CPLANE1: variants seen among roughly 807,000 people sequenced by gnomAD.
CPLANE1 encodes ciliogenesis and planar polarity effector complex subunit 1, also known as ciliogenesis and planar polarity effector 1.
Under a neutral mutation model 362.5 loss-of-function variants are expected in CPLANE1, and 263 were observed. The ratio of observed to expected loss-of-function variants is 0.73; its 90% CI spans 0.66 to 0.80. The LOEUF (loss-of-function observed/expected upper bound fraction) is 0.80, where lower values mean the gene tolerates loss of function less well. CPLANE1 is among the 30% of genes least tolerant of loss of function. The pLI is 0.00. For synonymous variants in CPLANE1, 1,212 were observed against 1,302.6 expected (o/e 0.93, Z 1.50); for missense variants, 3,461 against 3,793.4 (o/e 0.91, Z 2.30).
chr5:37,241,036 T>A (rs574816200), intron 6 of CPLANE1, among the ~76,000 whole-genome samples: 1 of 151,636 alleles, frequency 6.6e-6, no homozygotes, highest in Non-Finnish European at 1.5e-5. Context: ...CTCGGGAGGC[T>A]GAGGCAGAAG....
intron 21 of CPLANE1, among the ~76,000 whole-genome samples, chr5:37,193,040 G>A (rs1047962423): frequency 2.0e-5 from 3 of 152,004 alleles, no homozygotes; most frequent in Middle Eastern, 3.4e-3. Context: ...GGTGGCCCGC[G>A]CCTGTAATCC....
chr5:37,177,503 G>T, intron 30 of CPLANE1, 118 bp downstream of exon 30: 2 of 723,600 alleles, frequency 2.8e-6, no homozygotes, highest in Non-Finnish European at 4.8e-6. Context: ...TGAAGTTACA[G>T]TTTCACTAGA....
Position 37,245,800 on chromosome 5 carries a change from T to C in CPLANE1, c.127A>G (p.Ile43Val), listed in dbSNP as rs779643193. The C allele has an allele frequency of 6.5e-7, 1 of 1,530,250 alleles. No homozygotes were observed. The highest frequency in any genetic ancestry group is 1.3e-5 in the South Asian group (1 of 77,640). The allele number at this position is 1,530,250 out of a possible 1,614,324, so 94.8% of individuals were successfully genotyped here. Residue 43 changes from isoleucine (I) to valine (V), a missense_variant, in exon 3 of 53, where the codon ATT becomes GTT. Ile to Val is a conservative substitution (Grantham distance 29, BLOSUM62 3). This residue lies in a region of CPLANE1 where 3,380 missense variants were observed against 3,666.1 expected (regional missense o/e 0.92). Coordinates refer to ENST00000651892, the MANE Select transcript of CPLANE1 (RefSeq NM_001384732.1). Reference protein sequence around the residue: ...FLLDDKFINEINLLSGKIKKK... With the variant: ...FLLDDKFINEVNLLSGKIKKK... ...TTTATCTTTCCTGATAGCAAATTAATTTCATTTATGAATTTATCATCCAAA... is the reference window on the plus strand; with the variant it reads ...TTTATCTTTCCTGATAGCAAATTAACTTCATTTATGAATTTATCATCCAAA...
rs70976277 is a variant in CPLANE1, at chr5:37,116,485, CAAAAAAAAAAA to C, written c.9311-1447_9311-1437del. Among the ~76,000 whole-genome samples, 15 of 25,952 alleles carry C rather than the reference CAAAAAAAAAAA, an allele frequency of 5.8e-4. No individual in the cohort carries two copies. The East Asian group carries it at 8.4e-3, about 14-fold the overall frequency. The allele number at this position is 25,952 out of a possible 152,430, so 17.0% of individuals were successfully genotyped here. ...TGGGTGACAGAGCAAGACTCTGCCT[CAAAAAAAAAAA>C]AAAAAAAAAAAAAAAAAAAGGCTGA... On this transcript the variant is annotated intron_variant, in intron 50 of 52. Transcript: ENST00000651892.
intron 8 of CPLANE1, among the ~76,000 whole-genome samples, chr5:37,232,619 A>C (rs1580947871): frequency 6.6e-6 from 1 of 151,470 alleles, no homozygotes; most frequent in East Asian, 1.9e-4. Context: ...GGAGAATTGC[A>C]TAAGGTCAGG....
At chr5:37,156,726 C>T (rs1421023720) in intron 41 of CPLANE1, among the ~76,000 whole-genome samples, 1 of 151,984 alleles carries the variant, frequency 6.6e-6, no homozygotes, top group Non-Finnish European at 1.5e-5. Flanking sequence ...TTTATAAGTA[C>T]TATTGAATTG....
Position 37,168,784 on chromosome 5 carries a change from T to C in CPLANE1, c.7233+7A>G, listed in dbSNP as rs780724144. 2 of 1,606,874 alleles carry C rather than the reference T, an allele frequency of 1.2e-6. No individual in the cohort carries two copies. The highest frequency in any genetic ancestry group is 1.7e-6 in the Non-Finnish European group (2 of 1,175,812). The stretch of plus-strand genomic sequence containing the variant: ...TGCTTTTGCATTACCATACAAAAAT[T>C]CATTACCCTATTTTCTGGGGACAAA... On this transcript the variant is annotated splice_region_variant and intron_variant, in intron 34 of 52. Coordinates refer to ENST00000651892, the MANE Select transcript of CPLANE1 (RefSeq NM_001384732.1).
intron 46 of CPLANE1, among the ~76,000 whole-genome samples, chr5:37,132,377 C>T (rs1424235859): frequency 2.7e-5 from 3 of 112,822 alleles, no homozygotes; most frequent in Non-Finnish European, 4.9e-5. Context: ...CAGAGTCTTG[C>T]TCTGTCGCCC....
chr5:37,170,998 G>T (rs1197828000), intron 32 of CPLANE1, among the ~76,000 whole-genome samples: 1 of 152,178 alleles, frequency 6.6e-6, no homozygotes, highest in African/African-American at 2.4e-5. Context: ...GCAATGAGCA[G>T]AAAGCAGTAC....
chr5:37,166,975 CTG>C, intron 35 of CPLANE1, 70 bp downstream of exon 35: 4 of 1,239,452 alleles, frequency 3.2e-6, no homozygotes, highest in South Asian at 1.3e-5. Flanking sequence ...AACCAGATTA[CTG>C]TGTGATTATA....
At position 37,158,317 on chromosome 5, in the gene CPLANE1, G is replaced by C. The variant is rs752040780; in HGVS notation, c.7719C>G (p.Leu2573=). Residue 2573 remains leucine, a synonymous_variant, in exon 39 of 53, where the codon CTC becomes CTG. Transcript: ENST00000651892. ...GATTTAGATAGACATCTGGGACCAA[G>C]AGCTGAGGAGCAGTCAAAGGCTCAT... is the stretch of plus-strand genomic sequence containing the variant. ...PEHEPLTAPQ[L]LVPDVYLNLK... is the part of the protein sequence containing the mutation. 15 of 1,613,486 alleles carry C rather than the reference G, an allele frequency of 9.3e-6. No homozygotes were observed. The highest frequency in any genetic ancestry group is 7.6e-6 in the Non-Finnish European group (9 of 1,179,754).
At chr5:37,165,371 T>C (rs1777967571) in intron 36 of CPLANE1, among the ~76,000 whole-genome samples, 168 bp downstream of exon 36, 1 of 152,182 alleles carries the variant, frequency 6.6e-6, no homozygotes, top group South Asian at 2.1e-4. Flanking sequence ...GAACTCTATG[T>C]CTACTGCTCT....
At chr5:37,227,199 A>C (rs1171204544) in intron 11 of CPLANE1, 44 bp downstream of exon 11, 87 of 1,534,448 alleles carry the variant, frequency 5.7e-5, no homozygotes, top group Middle Eastern at 1.7e-4. Context: ...TCTTGGAATA[A>C]AGTCATAATT....
the CPLANE1 span, among the ~76,000 whole-genome samples, chr5:37,075,834 T>C: frequency 0.22 from 33,797 of 152,116 alleles, 3,891 homozygotes; most frequent in East Asian, 0.31. Flanking sequence ...TACTTATCTA[T>C]TTAGGCAGCC....
chr5:37,244,415 T>A lies in CPLANE1; in HGVS notation c.530A>T (p.Asp177Val). 6.4e-7 allele frequency: 1 copy of A among 1,551,014 alleles called. No homozygotes were observed. Among genetic ancestry groups the A allele is most frequent in the Non-Finnish European group, 8.7e-7 (1 of 1,146,844 alleles). The change falls in exon 5 of 53, where the codon GAT (aspartate) becomes GTT (valine). Residue 177 changes from aspartate to valine, a missense_variant. By Grantham distance (152) the Asp-to-Val change is radical (BLOSUM62 -3). Transcript: ENST00000651892. ...EEAVLLPSTEDKEAVVNAVFI... is the reference protein window; with the variant it reads ...EEAVLLPSTEVKEAVVNAVFI... ...AACAGCATTCACTACAGCTTCTTTA[T>A]CTTCGGTGGAAGGCAAGAGAACTGC...
At chr5:37,179,774 C>T (rs182137339) in intron 28 of CPLANE1, among the ~76,000 whole-genome samples, 8 of 152,158 alleles carry the variant, frequency 5.3e-5, no homozygotes, top group East Asian at 1.9e-4. Flanking sequence ...CAGCACAAGA[C>T]GCCCAATAAT....
intron 19 of CPLANE1, among the ~76,000 whole-genome samples, chr5:37,200,934 C>A (rs1788996215): frequency 6.6e-6 from 1 of 152,168 alleles, no homozygotes; most frequent in South Asian, 2.1e-4. Context: ...AGCCATCTAC[C>A]CACTTCAGCC....
chr5:37,211,596 A>C (rs368750056), intron 16 of CPLANE1: 7 of 922,318 alleles, frequency 7.6e-6, no homozygotes, highest in African/African-American at 3.2e-5. Flanking sequence ...AAAAGCAAAA[A>C]GAAGCCTTGA....
intron 41 of CPLANE1, among the ~76,000 whole-genome samples, chr5:37,154,459 C>CTTTTTCTTTTTTTTTTT (rs1774455290): frequency 1.2e-5 from 1 of 84,622 alleles, no homozygotes; most frequent in African/African-American, 5.7e-5. Flanking sequence ...TGCAATAGTT[C>CTTTTTCTTTTTTTTTTT]TTTTTTTTTT....
Sources: gnomAD v4.1 joint callset for allele counts (sites outside exome capture counted in the v4.1 genomes callset) on GRCh38, gnomAD v4.1.1 for gene constraint, gnomAD v4.1.1 regional missense constraint, MANE v1.5 for transcripts, NCBI Gene and HGNC (gene_info 2026-07-23, HGNC 2026-07-21) for gene names.